Variants in ZBTB16 observed in about 807,000 individuals in gnomAD.
The protein encoded by ZBTB16 is zinc finger and BTB domain containing 16.
In ZBTB16, 8 loss-of-function variants were observed where a neutral mutation model predicts 56.8. The ratio of observed to expected loss-of-function variants is 0.14; its 90% confidence interval spans 0.08 to 0.25. The LOEUF (loss-of-function observed/expected upper bound fraction) is 0.25, where lower values mean the gene tolerates loss of function less well. ZBTB16 is among the 10% of genes least tolerant of loss of function. The pLI is 1.00. For missense variants in ZBTB16, 625 were observed against 903.0 expected (o/e 0.69, Z 3.95); for synonymous variants, 363 against 368.5 (o/e 0.98, Z 0.17).
In ZBTB16 at chr11:114,109,722, CAGAG is replaced by C. The variant is rs201902211; in HGVS notation, c.1268+45159_1268+45162del. Among the ~76,000 whole-genome samples, 625 of 152,190 alleles carry C rather than the reference CAGAG, an allele frequency of 4.1e-3. 6 individuals carry two copies. The highest frequency in any genetic ancestry group is 0.015 in the African/African-American group (603 of 41,518). ...AGGGGAGAGATTTAGGGATTGAACTCAGAGAGAGCTGTCTGGGGGCCATCCTTCC... is the reference window on the plus strand; with the variant it reads ...AGGGGAGAGATTTAGGGATTGAACTCAGAGCTGTCTGGGGGCCATCCTTCC... On this transcript the variant is annotated intron_variant, in intron 2 of 6. Coordinates refer to ENST00000335953, the MANE Select transcript of ZBTB16 (RefSeq NM_006006.6).
intron 6 of ZBTB16, among the ~76,000 whole-genome samples, chr11:114,249,551 G>A (rs1422482871): frequency 1.4e-5 from 2 of 141,270 alleles, no homozygotes; most frequent in South Asian, 2.3e-4. Flanking sequence ...GGATCTTGAG[G>A]TCAGGAGATC....
At chr11:114,183,496 T>C (rs1357107621) in intron 3 of ZBTB16, among the ~76,000 whole-genome samples, 2 of 152,284 alleles carry the variant, frequency 1.3e-5, no homozygotes, top group South Asian at 2.1e-4. Context: ...TGATGGCTGT[T>C]TTCTAAGAAC....
chr11:114,194,857 C>T (rs1943571840), intron 4 of ZBTB16, among the ~76,000 whole-genome samples: 1 of 152,110 alleles, frequency 6.6e-6, no homozygotes, highest in South Asian at 2.1e-4. Flanking sequence ...TTAATTTATT[C>T]TCTGGGTTTG....
Position 114,064,705 on chromosome 11 carries a change from T to A in ZBTB16, c.1268+137T>A. ...TGTGAAAAAACCAGAACACTTCTTC[T>A]AAAGTTCTGGCGGGGAGGGGAGCAG... On this transcript the variant is annotated intron_variant, in intron 2 of 6. Coordinates refer to ENST00000335953, the MANE Select transcript of ZBTB16 (RefSeq NM_006006.6). This position sits in a 1 kb window ranked among gnomAD's most constrained non-coding sequence, Gnocchi z 4.2. The A allele has an allele frequency of 1.7e-6, 2 of 1,193,810 alleles. No homozygotes were observed. Among genetic ancestry groups the A allele is most frequent in the Non-Finnish European group, 2.4e-6 (2 of 840,022 alleles). 74.0% of individuals were successfully genotyped at this position (1,193,810 alleles called of 1,614,324 possible). A position where few individuals can be genotyped will look rare whatever the true frequency, so the allele number is the denominator to read the frequency against.
At chr11:114,182,058 G>A (rs572291862) in intron 3 of ZBTB16, among the ~76,000 whole-genome samples, 1 of 152,186 alleles carries the variant, frequency 6.6e-6, no homozygotes, top group Admixed American at 6.5e-5. Context: ...TGTTGTTATT[G>A]TTGTTGTTTT....
Position 114,186,964 on chromosome 11 carries a change from C to T in ZBTB16, c.1379C>T (p.Ala460Val), listed in dbSNP as rs147151121. The T allele has an allele frequency of 4.3e-6, 7 of 1,613,962 alleles. No homozygotes were observed. Among genetic ancestry groups the T allele is most frequent in the Non-Finnish European group, 5.9e-6 (7 of 1,180,054 alleles). ...TCCTTTCTTTCAGCGGGTGCCAAAG[C>T]CTTTGTCTGTGATCAGTGCGGTGCA... ...HLLAHSAGAK[A>V]FVCDQCGAQF... is the part of the protein sequence containing the mutation. The change falls in exon 4 of 7, where the codon GCC becomes GTC. Residue 460 changes from alanine (A) to valine (V), a missense_variant. Transcript: ENST00000335953.
chr11:114,149,030 A>T (rs1475580286), intron 2 of ZBTB16, among the ~76,000 whole-genome samples: 1 of 152,116 alleles, frequency 6.6e-6, no homozygotes, highest in African/African-American at 2.4e-5. Context: ...GAGGTCAGTG[A>T]TGAAGACTGA....
In ZBTB16 at chr11:114,250,209, G is replaced by A. The variant is rs545978239; in HGVS notation, c.1793-117G>A. ...TGCCTTCATTGTCCCAGAAAGTTCT[G>A]TTGGAGCAAGCCCAGCTGGAGGAAC... On this transcript the variant is annotated intron_variant, in intron 6 of 6. Coordinates refer to ENST00000335953, the MANE Select transcript of ZBTB16 (RefSeq NM_006006.6). The surrounding 1 kb of genome is among the most constrained non-coding windows in gnomAD (Gnocchi z 6.0). The A allele has an allele frequency of 3.4e-6, 4 of 1,160,720 alleles. No homozygotes were observed. The African/African-American group carries it at 6.0e-5, about 18-fold the overall frequency. The allele number at this position is 1,160,720 out of a possible 1,614,324, so 71.9% of individuals were successfully genotyped here.
At chr11:114,105,459 C>T (rs928661859) in intron 2 of ZBTB16, among the ~76,000 whole-genome samples, 1 of 152,120 alleles carries the variant, frequency 6.6e-6, no homozygotes, top group African/African-American at 2.4e-5. Flanking sequence ...AGGCTGGTCT[C>T]AAACTCCTGA....
At chr11:114,138,049 A>G (rs1447926951) in intron 2 of ZBTB16, among the ~76,000 whole-genome samples, 1 of 152,082 alleles carries the variant, frequency 6.6e-6, no homozygotes, top group African/African-American at 2.4e-5. Flanking sequence ...AGTGGGATGA[A>G]AGGGTGCACG....
intron 2 of ZBTB16, among the ~76,000 whole-genome samples, chr11:114,076,858 C>G (rs539773143): frequency 6.6e-5 from 10 of 152,212 alleles, no homozygotes; most frequent in East Asian, 1.9e-4. Flanking sequence ...GCCTTTCCCC[C>G]CTTCATAATT....
At chr11:114,115,552 C>T (rs1249764064) in intron 2 of ZBTB16, among the ~76,000 whole-genome samples, 3 of 152,054 alleles carry the variant, frequency 2.0e-5, no homozygotes, top group Non-Finnish European at 2.9e-5. Context: ...CCGCGCTGTG[C>T]CTCTTCTCTG....
At chr11:114,215,722 A>G (rs1346358496) in intron 4 of ZBTB16, among the ~76,000 whole-genome samples, 1 of 152,234 alleles carries the variant, frequency 6.6e-6, no homozygotes, top group Non-Finnish European at 1.5e-5. Context: ...GAGTGGGCAC[A>G]TATATAGATG....
At chr11:114,085,765 G>A (rs565903755) in intron 2 of ZBTB16, among the ~76,000 whole-genome samples, 90 of 152,142 alleles carry the variant, frequency 5.9e-4, no homozygotes, top group Non-Finnish European at 9.1e-4. Flanking sequence ...ATACAAGGTA[G>A]TGTGCTGGAA....
rs79923216 is a variant in ZBTB16, at chr11:114,125,757, A to G, written c.1269-30580A>G. 5.3e-3 allele frequency among the ~76,000 whole-genome samples: 807 copies of G among 152,248 alleles called. 5 individuals carry two copies. The highest frequency in any genetic ancestry group is 0.018 in the African/African-American group (736 of 41,536). The stretch of plus-strand genomic sequence containing the variant: ...AGGGGGTCCAGGTGCTGTTTGTTGC[A>G]GGAGCGCCATCTTGCTTTAGACCTT... On this transcript the variant is annotated intron_variant, in intron 2 of 6. Coordinates refer to ENST00000335953, the MANE Select transcript of ZBTB16 (RefSeq NM_006006.6).
At chr11:114,147,743 C>T (rs888707947) in intron 2 of ZBTB16, among the ~76,000 whole-genome samples, 1 of 152,218 alleles carries the variant, frequency 6.6e-6, no homozygotes, top group Non-Finnish European at 1.5e-5. Flanking sequence ...CCCCTCGGAT[C>T]TTAACTGCCC....
intron 4 of ZBTB16, among the ~76,000 whole-genome samples, chr11:114,226,678 A>G (rs1427956080): frequency 1.3e-5 from 2 of 152,060 alleles, no homozygotes; most frequent in East Asian, 3.9e-4. Flanking sequence ...GAGTGTTGGG[A>G]GGGACCACGC....
chr11:114,212,465 A>G (rs1944016591), intron 4 of ZBTB16, among the ~76,000 whole-genome samples: 1 of 152,128 alleles, frequency 6.6e-6, no homozygotes. Flanking sequence ...CTCCTTTAAC[A>G]TAGCCACACA....
intron 3 of ZBTB16, among the ~76,000 whole-genome samples, chr11:114,157,634 C>A (rs933306816): frequency 1.3e-5 from 2 of 152,154 alleles, no homozygotes; most frequent in Non-Finnish European, 2.9e-5. Flanking sequence ...AAGTGCTCTT[C>A]GTTCGCTTTT....
Sources: allele counts gnomAD v4.1 joint callset (sites outside exome capture counted in the v4.1 genomes callset), GRCh38; gene constraint gnomAD v4.1.1; non-coding constraint Gnocchi (gnomAD v3.1); transcripts MANE v1.5; gene names NCBI Gene and HGNC (gene_info 2026-07-23, HGNC 2026-07-21).